Variants in CSMD1 observed in about 807,000 individuals in gnomAD.
The protein encoded by CSMD1 is CUB and Sushi multiple domains 1.
CSMD1 carries 213 observed loss-of-function variants against 417.5 expected under a neutral mutation model. The observed-to-expected ratio is 0.51, with a 90% CI of 0.46 to 0.57. The LOEUF (loss-of-function observed/expected upper bound fraction) is 0.57. Among genes scored for constraint, CSMD1 ranks in the 20% least tolerant of loss-of-function variants. The pLI is 0.00. For missense variants in CSMD1, 6,923 were observed against 4,529.7 expected (o/e 1.53, Z -15.17); for synonymous variants, 2,862 against 1,736.8 (o/e 1.65, Z -16.11).
At chr8:4,435,079 A>G (rs1012553326) in intron 2 of CSMD1, among the ~76,000 whole-genome samples, 4 of 152,204 alleles carry the variant, frequency 2.6e-5, no homozygotes, top group African/African-American at 9.7e-5. Context: ...CGGTGTAATA[A>G]AAATGGAAGC....
intron 1 of CSMD1, among the ~76,000 whole-genome samples, chr8:4,909,846 A>C (rs1476075199): frequency 6.6e-6 from 1 of 152,188 alleles, no homozygotes; most frequent in Non-Finnish European, 1.5e-5. Flanking sequence ...CTGCAACCTC[A>C]GTTCTCTGAT....
At chr8:3,064,603 GAAGA>G (rs1319001470) in intron 49 of CSMD1, among the ~76,000 whole-genome samples, 6 of 152,248 alleles carry the variant, frequency 3.9e-5, no homozygotes, top group Admixed American at 6.5e-5. Flanking sequence ...AGAAAATAAA[GAAGA>G]AATAAACATA....
intron 1 of CSMD1, chr8:4,787,238 C>T (rs1797450131): frequency 3.9e-6 from 2 of 511,464 alleles, no homozygotes; most frequent in African/African-American, 1.9e-5. Flanking sequence ...GCCGCGCCTC[C>T]TTCCCCGCCC....
At chr8:4,921,084 G>T (rs919256670) in intron 1 of CSMD1, among the ~76,000 whole-genome samples, 87 of 147,828 alleles carry the variant, frequency 5.9e-4, no homozygotes, top group Middle Eastern at 7.0e-3. Context: ...GAAAAAGAAA[G>T]AAAGAAAAAG....
At position 3,522,102 on chromosome 8, in the gene CSMD1, T is replaced by A. The variant is rs577291956; in HGVS notation, c.1345-28376A>T. 5.2e-5 allele frequency among the ~76,000 whole-genome samples: 8 copies of A among 152,384 alleles called. No homozygotes were observed. In the East Asian group the frequency reaches 1.5e-3, roughly 29 times the overall value. On this transcript the variant is annotated intron_variant, in intron 10 of 69. Coordinates refer to ENST00000635120, the MANE Select transcript of CSMD1 (RefSeq NM_033225.6). ...ATGTTTATCTAAATTGCATTAACTT[T>A]TTTTAACCCTCAATTCTGTATTCTT...
chr8:3,189,934 G>C lies in CSMD1; in HGVS notation c.5376C>G (p.Asn1792Lys). ...CACCCACACAGCTGGGGATCGTGTC[G>C]TTCCACTGTGCCAAGGCGTTGGGCA... is the stretch of plus-strand genomic sequence containing the variant. ...QSVPNALAQW[N>K]DTIPSCVVPC... Residue 1792 changes from asparagine to lysine, a missense_variant, in exon 34 of 70, where the codon AAC (asparagine) becomes AAG (lysine). Transcript: ENST00000635120. The C allele has an allele frequency of 6.3e-7, 1 of 1,587,748 alleles. No individual in the cohort carries two copies. Among genetic ancestry groups the C allele is most frequent in the East Asian group, 2.3e-5 (1 of 43,566 alleles).
chr8:3,477,332 T>C (rs773021880), intron 11 of CSMD1, among the ~76,000 whole-genome samples: 5 of 152,200 alleles, frequency 3.3e-5, no homozygotes, highest in Non-Finnish European at 5.9e-5. Flanking sequence ...GCCCTTCAGA[T>C]AAAAACTTGC....
At chr8:3,617,030 T>C (rs764693270) in intron 7 of CSMD1, among the ~76,000 whole-genome samples, 1 of 152,196 alleles carries the variant, frequency 6.6e-6, no homozygotes, top group East Asian at 1.9e-4. Context: ...ATTTCTCTCA[T>C]TTTTAAGATG....
At chr8:3,638,197 A>C (rs1237136002) in intron 7 of CSMD1, among the ~76,000 whole-genome samples, 1 of 152,178 alleles carries the variant, frequency 6.6e-6, no homozygotes, top group African/African-American at 2.4e-5. Context: ...CCAGTTCAGC[A>C]AGTCTTGGAG....
At chr8:4,958,509 T>C (rs1563869239) in intron 1 of CSMD1, among the ~76,000 whole-genome samples, 1 of 152,200 alleles carries the variant, frequency 6.6e-6, no homozygotes, top group Non-Finnish European at 1.5e-5. Context: ...AAGCACTCCA[T>C]AGTTCAGCCA....
chr8:3,952,763 C>G (rs1033345499), intron 5 of CSMD1, among the ~76,000 whole-genome samples: 2 of 152,130 alleles, frequency 1.3e-5, no homozygotes, highest in East Asian at 3.9e-4. Context: ...GTTTATTTCA[C>G]TTCAATAAAA....
intron 2 of CSMD1, among the ~76,000 whole-genome samples, chr8:4,496,424 G>A (rs535169629): frequency 2.0e-5 from 3 of 152,266 alleles, no homozygotes; most frequent in South Asian, 4.1e-4. Context: ...ATCTCAGAAA[G>A]AAAACATAAA....
intron 5 of CSMD1, among the ~76,000 whole-genome samples, chr8:3,957,825 G>A (rs916892770): frequency 1.3e-5 from 2 of 152,118 alleles, no homozygotes; most frequent in Non-Finnish European, 2.9e-5. Context: ...AGGAAATGAA[G>A]GGATAATCAC....
At chr8:4,876,027 A>G (rs1199865370) in intron 1 of CSMD1, among the ~76,000 whole-genome samples, 4 of 152,096 alleles carry the variant, frequency 2.6e-5, no homozygotes, top group Admixed American at 2.0e-4. Context: ...GAATTTTAGT[A>G]AGGGGAAAAA....
chr8:3,898,915 T>G (rs995009962), intron 5 of CSMD1, among the ~76,000 whole-genome samples: 5 of 152,176 alleles, frequency 3.3e-5, no homozygotes, highest in African/African-American at 1.2e-4. Context: ...CTGTAGTGAC[T>G]CTATTCAAGA....
At chr8:4,792,443 A>G (rs1012201083) in intron 1 of CSMD1, among the ~76,000 whole-genome samples, 13 of 152,276 alleles carry the variant, frequency 8.5e-5, no homozygotes, top group African/African-American at 2.9e-4. Flanking sequence ...CAATCAGTCT[A>G]TCTTTGAACT....
chr8:4,502,605 A>C (rs1802314880), intron 2 of CSMD1, among the ~76,000 whole-genome samples: 1 of 152,190 alleles, frequency 6.6e-6, no homozygotes, highest in South Asian at 2.1e-4. Flanking sequence ...TCATTTTAAA[A>C]AAGGACTCTA....
intron 10 of CSMD1, among the ~76,000 whole-genome samples, chr8:3,546,883 G>C (rs75767219): frequency 0.012 from 1,903 of 152,326 alleles, 18 homozygotes; most frequent in East Asian, 0.058. Flanking sequence ...TGTTGCAAGG[G>C]AAACTGTGAA....
chr8:4,845,536 G>T (rs1801090745), intron 1 of CSMD1, among the ~76,000 whole-genome samples: 1 of 152,248 alleles, frequency 6.6e-6, no homozygotes, highest in Non-Finnish European at 1.5e-5. Flanking sequence ...TTTGGCCACT[G>T]TTGAACTTTG....
Sources: allele counts gnomAD v4.1 joint callset (sites outside exome capture counted in the v4.1 genomes callset), GRCh38; gene constraint gnomAD v4.1.1; transcripts MANE v1.5; gene names NCBI Gene and HGNC (gene_info 2026-07-23, HGNC 2026-07-21).